Variants in CPVL observed in about 807,000 individuals in gnomAD.
CPVL encodes carboxypeptidase vitellogenic like.
Under a neutral mutation model 63.7 loss-of-function variants are expected in CPVL, and 51 were observed. The ratio of observed to expected loss-of-function variants is 0.80; its 90% CI spans 0.64 to 1.01. The LOEUF (loss-of-function observed/expected upper bound fraction) is 1.01, where lower values mean the gene tolerates loss of function less well. CPVL is among the 50% of genes least tolerant of loss of function. The pLI is 0.00. For synonymous variants in CPVL, 195 were observed against 206.0 expected, an observed-to-expected ratio of 0.95 and a Z score of 0.46; for missense variants, 530 against 573.1, an observed-to-expected ratio of 0.92 and a Z score of 0.77.
Position 29,158,334 on chromosome 7 carries a change from A to G in CPVL, c.-11+22956T>C, listed in dbSNP as rs115075697. On this transcript the variant is annotated intron_variant, in intron 5 of 16. Transcript: ENST00000409850. ...TCCTATAATAGAGCAAATAATTGCT[A>G]CTTTTTATTGCTGTAGAGCAGATTA... 5.8e-3 allele frequency among the ~76,000 whole-genome samples: 886 copies of G among 152,346 alleles called. 14 individuals carry two copies. Among genetic ancestry groups the G allele is most frequent in the African/African-American group, 0.02 (847 of 41,570 alleles).
intron 3 of CPVL, among the ~76,000 whole-genome samples, chr7:29,098,710 T>C (rs890332087): frequency 1.3e-5 from 2 of 152,108 alleles, no homozygotes; most frequent in Non-Finnish European, 1.5e-5. Context: ...TACCCACCAG[T>C]GTGTAACTTT....
chr7:29,096,187 A>G lies in CPVL; in HGVS notation c.319T>C (p.Trp107Arg), dbSNP rs1470703105. ...GAACCTCCCGGCCCACCCTGTAGCC[A>G]GAGAACTACTGGGGCATCTTCTGGC... Reference protein sequence around the residue: ...IQPEDAPVVLWLQGGPGGSSM... With the variant: ...IQPEDAPVVLRLQGGPGGSSM... Residue 107 changes from tryptophan (W) to arginine (R), a missense_variant, in exon 4 of 13, where the codon TGG becomes CGG. Coordinates refer to ENST00000265394, the MANE Select transcript of CPVL (RefSeq NM_031311.5). 6.2e-7 allele frequency: 1 copy of G among 1,614,170 alleles called. No individual in the cohort carries two copies. The highest frequency in any genetic ancestry group is 1.1e-5 in the South Asian group (1 of 91,080).
chr7:29,097,150 G>A (rs1786520566), intron 3 of CPVL, among the ~76,000 whole-genome samples: 1 of 152,168 alleles, frequency 6.6e-6, no homozygotes, highest in Non-Finnish European at 1.5e-5. Context: ...TAGGAGATGT[G>A]GGAGACATAA....
intron 3 of CPVL, among the ~76,000 whole-genome samples, chr7:29,107,571 T>C (rs1787847817): frequency 6.6e-6 from 1 of 152,240 alleles, no homozygotes; most frequent in South Asian, 2.1e-4. Flanking sequence ...TCCAAACCTC[T>C]AGATCTCTTT....
intron 7 of CPVL, among the ~76,000 whole-genome samples, chr7:29,082,159 T>C (rs981734653): frequency 6.6e-5 from 10 of 152,064 alleles, no homozygotes; most frequent in South Asian, 2.1e-4. Flanking sequence ...AATTTTTTTT[T>C]GTGTGGTGGC....
chr7:29,003,427 T>C (rs1366817943), intron 12 of CPVL, among the ~76,000 whole-genome samples: 1 of 152,020 alleles, frequency 6.6e-6, no homozygotes, highest in Non-Finnish European at 1.5e-5. Context: ...AACAAAAAAT[T>C]GGAAAAGGTT....
intron 12 of CPVL, among the ~76,000 whole-genome samples, chr7:29,014,298 C>T (rs150574608): frequency 3.6e-4 from 55 of 152,188 alleles, no homozygotes; most frequent in African/African-American, 9.9e-4. Flanking sequence ...CTCTGTTTGC[C>T]GATTTCCTTA....
chr7:28,995,027 C>G (rs1039829434), downstream of CPVL, among the ~76,000 whole-genome samples: 6 of 151,278 alleles, frequency 4.0e-5, no homozygotes, highest in African/African-American at 1.5e-4. Context: ...AACAATGATA[C>G]AAAATTAGGT....
intron 12 of CPVL, among the ~76,000 whole-genome samples, chr7:29,024,657 A>G (rs1396715717): frequency 6.6e-6 from 1 of 152,258 alleles, no homozygotes; most frequent in Admixed American, 6.5e-5. Flanking sequence ...TTCTCAGCAG[A>G]AACTTATAAG....
At chr7:29,112,892 C>T in intron 2 of CPVL, 70 bp from the exon 3 acceptor site, 1 of 1,054,802 alleles carries the variant, frequency 9.5e-7, no homozygotes, top group South Asian at 1.3e-5. Flanking sequence ...AGCCATCTAT[C>T]TCAGTCTGGA....
At chr7:29,165,783 A>G (rs893327177) in intron 5 of CPVL, among the ~76,000 whole-genome samples, 5 of 152,108 alleles carry the variant, frequency 3.3e-5, no homozygotes, top group African/African-American at 9.7e-5. Flanking sequence ...GCTTTTCTGC[A>G]TATATTGAGG....
chr7:29,145,142 T>C (rs1041845442), intron 1 of CPVL, among the ~76,000 whole-genome samples: 2 of 151,892 alleles, frequency 1.3e-5, no homozygotes, highest in East Asian at 3.9e-4. Context: ...AGTGTACTTT[T>C]CCAAAAGTGC....
intron 3 of CPVL, among the ~76,000 whole-genome samples, chr7:29,109,427 A>G (rs920898976): frequency 2.0e-5 from 3 of 152,150 alleles, no homozygotes; most frequent in South Asian, 4.1e-4. Context: ...CCTGGTGACA[A>G]TATCAGCTGC....
chr7:29,025,587 G>C (rs1236912959), intron 12 of CPVL, among the ~76,000 whole-genome samples: 1 of 152,106 alleles, frequency 6.6e-6, no homozygotes, highest in East Asian at 1.9e-4. Flanking sequence ...AACCATATCA[G>C]CTACCTGCAA....
At chr7:29,050,732 C>T (rs570028386) in intron 11 of CPVL, among the ~76,000 whole-genome samples, 13 of 151,122 alleles carry the variant, frequency 8.6e-5, no homozygotes, top group Admixed American at 2.0e-4. Context: ...TCACAGAATT[C>T]GAAAAGCCAA....
At chr7:29,101,737 A>T (rs1490909102) in intron 3 of CPVL, among the ~76,000 whole-genome samples, 1 of 151,772 alleles carries the variant, frequency 6.6e-6, no homozygotes, top group Admixed American at 6.6e-5. Flanking sequence ...CTTCCTAGAG[A>T]TGATCATGGA....
At chr7:29,019,533 G>T (rs1326923126) in intron 12 of CPVL, among the ~76,000 whole-genome samples, 1 of 152,150 alleles carries the variant, frequency 6.6e-6, no homozygotes, top group Non-Finnish European at 1.5e-5. Context: ...GGACATTTTA[G>T]GTAACCATCC....
chr7:29,080,924 C>T (rs1302889491), intron 7 of CPVL, among the ~76,000 whole-genome samples: 1 of 152,208 alleles, frequency 6.6e-6, no homozygotes, highest in Non-Finnish European at 1.5e-5. Flanking sequence ...AGAGTCTGCC[C>T]GTTTTTGCTG....
intron 1 of CPVL, chr7:29,127,537 G>C (rs1790160918): frequency 6.6e-6 from 1 of 152,118 alleles, no homozygotes; most frequent in South Asian, 2.1e-4. Context: ...TGAGGTGTCG[G>C]GGCTCACAAC....
Sources: allele counts gnomAD v4.1 joint callset (sites outside exome capture counted in the v4.1 genomes callset), GRCh38; gene constraint gnomAD v4.1.1; transcripts MANE v1.5; gene names NCBI Gene and HGNC (gene_info 2026-07-23, HGNC 2026-07-21).